Variants in RFX4 observed in about 807,000 individuals in gnomAD.
The protein encoded by RFX4 is transcription factor RFX4.
RFX4 carries 10 observed loss-of-function variants against 95.0 expected under a neutral mutation model. The ratio of observed to expected loss-of-function variants is 0.11; its 90% CI spans 0.06 to 0.18. The LOEUF (loss-of-function observed/expected upper bound fraction) is 0.18, where lower values mean the gene tolerates loss of function less well. Among genes scored for constraint, RFX4 ranks in the 10% least tolerant of loss-of-function variants. The pLI is 1.00. For missense variants in RFX4, 640 were observed against 922.0 expected (o/e 0.69, Z 3.96); for synonymous variants, 321 against 340.7 (o/e 0.94, Z 0.64).
chr12:106,638,358 T>A (rs761193742), intron 2 of RFX4, among the ~76,000 whole-genome samples: 11 of 152,326 alleles, frequency 7.2e-5, no homozygotes, highest in Non-Finnish European at 1.5e-4. Flanking sequence ...TTTTCTCTCC[T>A]GTCATATAAA....
At chr12:106,738,215 T>C (rs1031752845) in intron 15 of RFX4, among the ~76,000 whole-genome samples, 1 of 152,196 alleles carries the variant, frequency 6.6e-6, no homozygotes, top group African/African-American at 2.4e-5. Context: ...AGTGATAATA[T>C]CCTAACTTCT....
intron 1 of RFX4, among the ~76,000 whole-genome samples, chr12:106,593,098 T>G (rs1026619976): frequency 6.6e-6 from 1 of 152,210 alleles, no homozygotes; most frequent in African/African-American, 2.4e-5. Context: ...CTTTTCTGGT[T>G]GGTTATTCTT....
At chr12:106,644,302 C>T (rs1472290011) in intron 3 of RFX4, among the ~76,000 whole-genome samples, 1 of 141,392 alleles carries the variant, frequency 7.1e-6, no homozygotes, top group African/African-American at 2.7e-5. Flanking sequence ...GGTGTGATCT[C>T]GGCTCACTGC....
intron 2 of RFX4, among the ~76,000 whole-genome samples, chr12:106,624,590 G>C (rs996476721): frequency 1.3e-5 from 2 of 152,120 alleles, no homozygotes; most frequent in African/African-American, 2.4e-5. Context: ...GCCTCCCAAA[G>C]TGTGGGGATT....
At chr12:106,669,550 G>T (rs1288491840) in intron 4 of RFX4, among the ~76,000 whole-genome samples, 1 of 151,900 alleles carries the variant, frequency 6.6e-6, no homozygotes, top group African/African-American at 2.4e-5. Flanking sequence ...TCATTTACAC[G>T]GTGGCCCTCT....
chr12:106,657,568 T>G (rs1363613640), intron 4 of RFX4, among the ~76,000 whole-genome samples: 3 of 152,180 alleles, frequency 2.0e-5, no homozygotes, highest in Non-Finnish European at 4.4e-5. Flanking sequence ...TGTGAAAGCT[T>G]CTAGCTGAAC....
chr12:106,658,091 A>G (rs1235246521), intron 4 of RFX4, among the ~76,000 whole-genome samples: 12 of 152,158 alleles, frequency 7.9e-5, no homozygotes, highest in Admixed American at 7.9e-4. Context: ...TACACCCAGA[A>G]CAATGCCTGG....
chr12:106,645,767 G>A (rs1007827817), intron 3 of RFX4: 1 of 521,194 alleles, frequency 1.9e-6, no homozygotes. Flanking sequence ...TTTGTGACTT[G>A]ATTCTTACTC....
chr12:106,601,376 T>C (rs913322442), intron 1 of RFX4: 2 of 1,559,116 alleles, frequency 1.3e-6, no homozygotes, highest in African/African-American at 1.4e-5. Context: ...GACAGGAGAC[T>C]GGGGTGGGCC....
intron 15 of RFX4, among the ~76,000 whole-genome samples, chr12:106,734,189 T>A (rs1037453110): frequency 6.6e-6 from 1 of 152,138 alleles, no homozygotes; most frequent in Admixed American, 6.5e-5. Flanking sequence ...GAGGAGTTAG[T>A]GTTTAATAGG....
chr12:106,646,418 G>A (rs1254196443), intron 3 of RFX4, among the ~76,000 whole-genome samples: 2 of 111,864 alleles, frequency 1.8e-5, no homozygotes, highest in Non-Finnish European at 3.3e-5. Context: ...TTAATACATT[G>A]CCTAGTTTTA....
At chr12:106,608,290 G>T (rs2039880553) in intron 1 of RFX4, among the ~76,000 whole-genome samples, 1 of 152,170 alleles carries the variant, frequency 6.6e-6, no homozygotes, top group South Asian at 2.1e-4. Flanking sequence ...GGGGTCCCTG[G>T]CCAAAGGGAG....
intron 2 of RFX4, among the ~76,000 whole-genome samples, chr12:106,619,791 A>T (rs2040144348): frequency 6.6e-6 from 1 of 151,110 alleles, no homozygotes; most frequent in African/African-American, 2.4e-5. Context: ...TTTGTACCTC[A>T]GTTTTGTATT....
chr12:106,607,656 C>T (rs1218046171), intron 1 of RFX4, among the ~76,000 whole-genome samples: 2 of 152,120 alleles, frequency 1.3e-5, no homozygotes, highest in East Asian at 3.8e-4. Context: ...AAAGTTTGCA[C>T]TATGCTCAAA....
chr12:106,732,715 A>G (rs2042636283), intron 14 of RFX4, among the ~76,000 whole-genome samples: 1 of 152,076 alleles, frequency 6.6e-6, no homozygotes. Context: ...AAGTAAATAA[A>G]TAAATAAATA....
intron 4 of RFX4, among the ~76,000 whole-genome samples, chr12:106,666,071 A>G (rs956439708): frequency 6.6e-6 from 1 of 152,038 alleles, no homozygotes; most frequent in Admixed American, 6.6e-5. Flanking sequence ...AGGTTTACTG[A>G]AAACAAATTC....
intron 2 of RFX4, 90 bp from the exon 3 acceptor site, chr12:106,639,242 A>G (rs2040570675): frequency 9.4e-7 from 1 of 1,060,138 alleles, no homozygotes; most frequent in African/African-American, 1.6e-5. Context: ...AAAGAAACAT[A>G]GTCTTTTGAA....
At chr12:106,583,557 A>ATGTGT (rs2039405353) in intron 1 of RFX4, 194 bp downstream of exon 1, 1 of 486,548 alleles carries the variant, frequency 2.1e-6, no homozygotes, top group African/African-American at 2.0e-5. Flanking sequence ...TATGTGTATA[A>ATGTGT]GCGTGTGATT....
At chr12:106,587,867 G>C (rs922182922) in intron 1 of RFX4, among the ~76,000 whole-genome samples, 1 of 152,230 alleles carries the variant, frequency 6.6e-6, no homozygotes, top group African/African-American at 2.4e-5. Context: ...TTGCGAGTGG[G>C]GATGGGTAAA....
Sources: gnomAD v4.1 joint callset for allele counts (sites outside exome capture counted in the v4.1 genomes callset) on GRCh38, gnomAD v4.1.1 for gene constraint, MANE v1.5 for transcripts, NCBI Gene and HGNC (gene_info 2026-07-23, HGNC 2026-07-21) for gene names.